VEPH1: variants seen among roughly 807,000 people sequenced by gnomAD.
The protein encoded by VEPH1 is ventricular zone expressed PH domain containing 1, also known as ventricular zone-expressed PH domain-containing protein homolog 1.
In VEPH1, 80 loss-of-function variants were observed where a neutral mutation model predicts 85.2. The observed-to-expected ratio is 0.94, with a 90% confidence interval of 0.78 to 1.13. The LOEUF (loss-of-function observed/expected upper bound fraction) is 1.13, where lower values mean the gene tolerates loss of function less well. VEPH1 is among the 50% of genes most tolerant of loss of function. The pLI is 0.00. For synonymous variants in VEPH1, 297 were observed against 348.0 expected (o/e 0.85, Z 1.63); for missense variants, 955 against 980.5 (o/e 0.97, Z 0.35).
chr3:157,496,010 T>C (rs572776861), intron 1 of VEPH1, among the ~76,000 whole-genome samples: 8 of 152,332 alleles, frequency 5.3e-5, no homozygotes, highest in South Asian at 2.1e-4. Context: ...AGAAGTTCCC[T>C]GCTCTGTCAG....
chr3:157,408,768 G>A (rs1372754967), intron 6 of VEPH1, among the ~76,000 whole-genome samples: 1 of 152,088 alleles, frequency 6.6e-6, no homozygotes, highest in Non-Finnish European at 1.5e-5. Flanking sequence ...GAGGGTAAAA[G>A]CTATCCAGGC....
intron 1 of VEPH1, chr3:157,499,326 C>T (rs1739921726): frequency 7.0e-6 from 1 of 142,632 alleles, no homozygotes; most frequent in African/African-American, 2.6e-5. Context: ...ACCACAAAAA[C>T]AGAAATGATG....
chr3:157,469,768 C>T (rs957421681), intron 3 of VEPH1, among the ~76,000 whole-genome samples: 12 of 152,202 alleles, frequency 7.9e-5, no homozygotes, highest in Non-Finnish European at 1.6e-4. Flanking sequence ...CGCAGTGTTA[C>T]ACAACTCATT....
rs775693133 is a variant in VEPH1, at chr3:157,428,428, T to G, written c.590A>C (p.Asn197Thr). The G allele has an allele frequency of 1.2e-6, 2 of 1,614,038 alleles. No homozygotes were observed. Among genetic ancestry groups the G allele is most frequent in the African/African-American group, 2.7e-5 (2 of 74,938 alleles). ...AVYEKQPQPI[N>T]RHLTELLALM... ...GGCCAGGAGTTCTGTCAGGTGTCTA[T>G]TAATTGGCTGAGGCTGCTTTTCATA... Residue 197 changes from asparagine to threonine, a missense_variant, in exon 5 of 14, where the codon AAT becomes ACT. Transcript: ENST00000362010.
chr3:157,501,276 A>AT (rs1408382343), intron 1 of VEPH1, among the ~76,000 whole-genome samples: 1 of 152,008 alleles, frequency 6.6e-6, no homozygotes, highest in African/African-American at 2.4e-5. Flanking sequence ...GTCCCTGTTG[A>AT]TTTTTTGGCA....
At chr3:157,375,369 C>T (rs1344650487) in intron 7 of VEPH1, among the ~76,000 whole-genome samples, 1 of 152,184 alleles carries the variant, frequency 6.6e-6, no homozygotes, top group Non-Finnish European at 1.5e-5. Flanking sequence ...ATGTGCATTA[C>T]TGTTATTTCA....
At chr3:157,459,995 G>A (rs1298128593) in intron 4 of VEPH1, 186 bp downstream of exon 4, 7 of 1,541,498 alleles carry the variant, frequency 4.5e-6, no homozygotes, top group Non-Finnish European at 6.1e-6. Context: ...ATCTGCCTTG[G>A]GAAGGGACAC....
At chr3:157,442,272 A>C (rs2316706) in intron 4 of VEPH1, 623,744 of 1,153,884 alleles carry the variant, frequency 0.54, 171,424 homozygotes, top group African/African-American at 0.71. Context: ...CAATTGTAAT[A>C]ATTAAAATTC....
chr3:157,263,894 A>G (rs543920354), intron 13 of VEPH1, among the ~76,000 whole-genome samples: 1 of 152,314 alleles, frequency 6.6e-6, no homozygotes, highest in South Asian at 2.1e-4. Context: ...CTAATTTACC[A>G]CTTTTCATTA....
chr3:157,368,667 AT>A (rs1372262326), intron 7 of VEPH1, among the ~76,000 whole-genome samples: 1 of 151,086 alleles, frequency 6.6e-6, no homozygotes. Context: ...AATTTTTTGT[AT>A]TTTTCGTAGA....
At chr3:157,401,537 A>G (rs1563420) in intron 6 of VEPH1, among the ~76,000 whole-genome samples, 101,995 of 151,902 alleles carry the variant, frequency 0.67, 34,613 homozygotes, top group East Asian at 0.75. Context: ...TACAGGTTAG[A>G]CAGAAAGATT....
intron 5 of VEPH1, among the ~76,000 whole-genome samples, chr3:157,424,907 A>G (rs1296608804): frequency 6.6e-6 from 1 of 152,258 alleles, no homozygotes; most frequent in Non-Finnish European, 1.5e-5. Flanking sequence ...AGAAATTTAC[A>G]TAAGTAACAA....
intron 7 of VEPH1, among the ~76,000 whole-genome samples, chr3:157,372,236 A>T (rs959052373): frequency 6.6e-6 from 1 of 152,220 alleles, no homozygotes; most frequent in African/African-American, 2.4e-5. Context: ...TCTTCATCTC[A>T]AATATGATAC....
At chr3:157,378,937 C>T (rs1728457981) in intron 7 of VEPH1, among the ~76,000 whole-genome samples, 1 of 152,204 alleles carries the variant, frequency 6.6e-6, no homozygotes, top group African/African-American at 2.4e-5. Flanking sequence ...GCCCTGACTT[C>T]TTAGGCTCTC....
intron 1 of VEPH1, chr3:157,499,331 A>C (rs1739922079): frequency 6.6e-6 from 1 of 151,292 alleles, no homozygotes; most frequent in Non-Finnish European, 1.5e-5. Context: ...AAAAACAGAA[A>C]TGATGGCGCA....
At chr3:157,484,601 C>A (rs932940613) in intron 2 of VEPH1, among the ~76,000 whole-genome samples, 1 of 152,002 alleles carries the variant, frequency 6.6e-6, no homozygotes, top group African/African-American at 2.4e-5. Flanking sequence ...TTTTTTAAAG[C>A]CTCTCATTTA....
intron 3 of VEPH1, among the ~76,000 whole-genome samples, chr3:157,469,607 T>G (rs1254453471): frequency 6.6e-6 from 1 of 152,234 alleles, no homozygotes; most frequent in Non-Finnish European, 1.5e-5. Context: ...GAAAAAAGAA[T>G]TGTTTTCCAA....
At chr3:157,448,651 C>T (rs925296824) in intron 4 of VEPH1, among the ~76,000 whole-genome samples, 14 of 152,164 alleles carry the variant, frequency 9.2e-5, no homozygotes, top group African/African-American at 3.4e-4. Context: ...CATTACAGAC[C>T]ATTTTCATAT....
At chr3:157,466,386 A>G (rs1736380562) in intron 3 of VEPH1, among the ~76,000 whole-genome samples, 1 of 152,150 alleles carries the variant, frequency 6.6e-6, no homozygotes, top group African/African-American at 2.4e-5. Flanking sequence ...ACCACCACCA[A>G]TTGGAAGTAC....
Sources: gnomAD v4.1 joint callset for allele counts (sites outside exome capture counted in the v4.1 genomes callset) on GRCh38, gnomAD v4.1.1 for gene constraint, MANE v1.5 for transcripts, NCBI Gene and HGNC (gene_info 2026-07-23, HGNC 2026-07-21) for gene names.